Variants in HIBCH observed in about 807,000 individuals in gnomAD.
HIBCH encodes 3-hydroxyisobutyryl-CoA hydrolase.
A neutral mutation model predicts 58.2 loss-of-function variants in HIBCH; 50 were observed. The ratio of observed to expected loss-of-function variants is 0.86; its 90% confidence interval spans 0.68 to 1.09. HIBCH has a LOEUF of 1.09. Among genes scored for constraint, HIBCH ranks in the 50% least tolerant of loss-of-function variants. The pLI is 0.00. For missense variants in HIBCH, 450 were observed against 449.7 expected, an observed-to-expected ratio of 1.00 and a Z score of -0.01; for synonymous variants, 151 against 146.9, an observed-to-expected ratio of 1.03 and a Z score of -0.20.
chr2:190,245,708 C>G (rs111917402), intron 10 of HIBCH, among the ~76,000 whole-genome samples: 3 of 152,064 alleles, frequency 2.0e-5, no homozygotes, highest in African/African-American at 7.2e-5. Flanking sequence ...AAAAAAAACC[C>G]TATGCTGGCC....
chr2:190,199,412 C>G (rs764111477), downstream of HIBCH, among the ~76,000 whole-genome samples: 1 of 143,738 alleles, frequency 7.0e-6, no homozygotes, highest in African/African-American at 2.9e-5. Flanking sequence ...TCTAAGCTAG[C>G]AAAAATTGAA....
At chr2:190,273,867 T>G (rs1476773770) in intron 6 of HIBCH, among the ~76,000 whole-genome samples, 1 of 152,078 alleles carries the variant, frequency 6.6e-6, no homozygotes, top group Non-Finnish European at 1.5e-5. Flanking sequence ...TCAGATGCAG[T>G]GAGACAATCA....
intron 6 of HIBCH, among the ~76,000 whole-genome samples, chr2:190,286,720 T>C (rs1473101780): frequency 6.6e-6 from 1 of 152,224 alleles, no homozygotes; most frequent in Non-Finnish European, 1.5e-5. Context: ...TAGACTTCTC[T>C]GTAATAGCAC....
chr2:190,202,229 T>C (rs1204021197), downstream of HIBCH: 1 of 167,050 alleles, frequency 6.0e-6, no homozygotes, highest in Non-Finnish European at 1.5e-5. Flanking sequence ...AGTATACTTT[T>C]ATCACCAAGC....
rs369493045 is a variant in HIBCH, at chr2:190,213,046, T to C, written c.921A>G (p.Leu307=). ...KVINKMSPTS[L]KITLRQLMEG... is the part of the protein sequence containing the mutation. ...CCATGAGTTGCCTTAGTGTGATCTTTAGAGATGTTGGAGACATTTTATTAA... is the reference window on the plus strand; with the variant it reads ...CCATGAGTTGCCTTAGTGTGATCTTCAGAGATGTTGGAGACATTTTATTAA... Residue 307 remains leucine (L), a synonymous_variant, in exon 12 of 14, where the codon CTA becomes CTG. Transcript: ENST00000359678. 9.3e-6 allele frequency: 15 copies of C among 1,609,354 alleles called. No individual in the cohort carries two copies. The highest frequency in any genetic ancestry group is 1.3e-5 in the Non-Finnish European group (15 of 1,175,940).
intron 11 of HIBCH, among the ~76,000 whole-genome samples, chr2:190,237,876 T>C (rs1239133504): frequency 6.6e-6 from 1 of 152,026 alleles, no homozygotes; most frequent in Non-Finnish European, 1.5e-5. Context: ...TGTGTCAATA[T>C]GTTCTCACTG....
chr2:190,259,068 C>T (rs1687010930), intron 7 of HIBCH, among the ~76,000 whole-genome samples: 1 of 152,002 alleles, frequency 6.6e-6, no homozygotes, highest in Admixed American at 6.6e-5. Context: ...TAGCTTTGTT[C>T]TTTTTGCTTA....
intron 1 of HIBCH, among the ~76,000 whole-genome samples, chr2:190,314,447 T>C (rs1480115318): frequency 6.6e-6 from 1 of 150,926 alleles, no homozygotes; most frequent in Non-Finnish European, 1.5e-5. Flanking sequence ...AAATTCCTTG[T>C]CAAATACTAT....
chr2:190,201,724 G>A (rs929313952), downstream of HIBCH: 27 of 166,838 alleles, frequency 1.6e-4, no homozygotes, highest in African/African-American at 3.9e-4. Context: ...ACCGAGTCCC[G>A]GGATTTGTAC....
chr2:190,299,181 A>G (rs772116937), intron 2 of HIBCH, among the ~76,000 whole-genome samples: 1 of 152,226 alleles, frequency 6.6e-6, no homozygotes, highest in Non-Finnish European at 1.5e-5. Flanking sequence ...TAAACAGCAC[A>G]CTTATTAGCA....
intron 4 of HIBCH, among the ~76,000 whole-genome samples, chr2:190,294,204 A>G (rs116027952): frequency 0.025 from 3,830 of 151,884 alleles, 75 homozygotes; most frequent in Non-Finnish European, 0.041. Flanking sequence ...GTCAGGTTAT[A>G]AGACCAACAG....
rs1685581086 is a variant in HIBCH at position 190,217,188 on chromosome 2, A to T, written c.892-4113T>A. Reference sequence around the variant, plus strand: ...GCCTCCCCAAGTTCCTCCAGGGGTCAGTGGACCCTGGGGAAGTGCCTCACC... The same window carrying T: ...GCCTCCCCAAGTTCCTCCAGGGGTCTGTGGACCCTGGGGAAGTGCCTCACC... On this transcript the variant is annotated intron_variant, in intron 11 of 13. Transcript: ENST00000359678. The surrounding 1 kb of genome is among the most constrained non-coding windows in gnomAD (Gnocchi z 4.6). Among the ~76,000 whole-genome samples, 1 of 152,194 alleles carries T rather than the reference A, an allele frequency of 6.6e-6. No individual in the cohort carries two copies.
intron 11 of HIBCH, among the ~76,000 whole-genome samples, chr2:190,228,360 T>C (rs566956124): frequency 7.3e-6 from 1 of 136,482 alleles, no homozygotes; most frequent in African/African-American, 2.8e-5. Context: ...ATGAGAACAT[T>C]TGGACACAGA....
At chr2:190,233,601 C>T (rs959555166) in intron 11 of HIBCH, among the ~76,000 whole-genome samples, 39 of 152,118 alleles carry the variant, frequency 2.6e-4, no homozygotes, top group African/African-American at 9.4e-4. Context: ...GTCTGGGGTA[C>T]ATCTTTATCA....
intron 2 of HIBCH, among the ~76,000 whole-genome samples, chr2:190,310,161 C>A (rs934835909): frequency 6.6e-6 from 1 of 152,202 alleles, no homozygotes; most frequent in Non-Finnish European, 1.5e-5. Context: ...TGGACTTATA[C>A]CAGTGGTTTG....
chr2:190,306,219 AATT>A lies in HIBCH; in HGVS notation c.78+4532_78+4534del, dbSNP rs762436989. On this transcript the variant is annotated intron_variant, in intron 2 of 13. Coordinates refer to ENST00000359678, the MANE Select transcript of HIBCH (RefSeq NM_014362.4). The surrounding 1 kb of genome is among the most constrained non-coding windows in gnomAD (Gnocchi z 4.6). ...AACCACTACCTAGGTCAAGAAATGG[AATT>A]TAGCCGCTGAGGGATGCAATCTGGC... is the stretch of plus-strand genomic sequence containing the variant. Among the ~76,000 whole-genome samples the A allele has an allele frequency of 2.0e-5, 3 of 152,120 alleles. No individual in the cohort carries two copies. The highest frequency in any genetic ancestry group is 4.4e-5 in the Non-Finnish European group (3 of 68,014).
chr2:190,289,728 T>C (rs1047830655), intron 5 of HIBCH, among the ~76,000 whole-genome samples: 2 of 152,204 alleles, frequency 1.3e-5, no homozygotes, highest in Non-Finnish European at 2.9e-5. Flanking sequence ...AAAGTACTGC[T>C]TCACCTCCAA....
intron 5 of HIBCH, among the ~76,000 whole-genome samples, chr2:190,289,232 CAT>C: frequency 6.6e-6 from 1 of 151,994 alleles, no homozygotes; most frequent in Middle Eastern, 3.4e-3. Context: ...TTCATCAATT[CAT>C]ATTTTTAGAA....
chr2:190,216,736 G>GA lies in HIBCH; in HGVS notation c.892-3662dup, dbSNP rs1685551260. ...AAGAGGATGCCAGTTTGCAATCCCTGAAGTAGAGAGAGCTCGTGCTGGGGA... is the reference window on the plus strand; with the variant it reads ...AAGAGGATGCCAGTTTGCAATCCCTGAAAGTAGAGAGAGCTCGTGCTGGGGA... On this transcript the variant is annotated intron_variant, in intron 11 of 13. Coordinates refer to ENST00000359678, the MANE Select transcript of HIBCH (RefSeq NM_014362.4). This position sits in a 1 kb window ranked among gnomAD's most constrained non-coding sequence, Gnocchi z 4.2. 2.0e-5 allele frequency among the ~76,000 whole-genome samples: 3 copies of GA among 152,248 alleles called. No homozygotes were observed. The South Asian group carries it at 6.2e-4, about 32-fold the overall frequency.
Sources: gnomAD v4.1 joint callset for allele counts (sites outside exome capture counted in the v4.1 genomes callset) on GRCh38, gnomAD v4.1.1 for gene constraint, Gnocchi (gnomAD v3.1) non-coding constraint, MANE v1.5 for transcripts, NCBI Gene and HGNC (gene_info 2026-07-23, HGNC 2026-07-21) for gene names.